The following LIPA variants were observed in gnomAD, a reference collection of about 807,000 sequenced individuals.
The protein encoded by LIPA is lipase A, lysosomal acid type.
LIPA carries 26 observed loss-of-function variants against 40.6 expected under a neutral mutation model. The observed-to-expected ratio is 0.64, with a 90% CI of 0.47 to 0.89. LIPA has a LOEUF of 0.89. Among genes scored for constraint, LIPA ranks in the 40% least tolerant of loss-of-function variants. The pLI is 0.00. For missense variants in LIPA, 455 were observed against 479.6 expected (o/e 0.95, Z 0.48); for synonymous variants, 188 against 168.4 (o/e 1.12, Z -0.90).
intron 2 of LIPA, among the ~76,000 whole-genome samples, chr10:89,359,015 C>T (rs1397737116): frequency 1.3e-5 from 2 of 152,182 alleles, no homozygotes; most frequent in Non-Finnish European, 2.9e-5. Flanking sequence ...ATCAAAATAT[C>T]AGTTCTTTCA....
At chr10:89,262,658 G>T (rs766798526) in intron 1 of LIPA, among the ~76,000 whole-genome samples, 2 of 152,190 alleles carry the variant, frequency 1.3e-5, no homozygotes. Flanking sequence ...TGTAAGAAAT[G>T]CCAAAATTCC....
intron 1 of LIPA, among the ~76,000 whole-genome samples, chr10:89,326,939 T>A (rs1214115411): frequency 6.6e-6 from 1 of 152,182 alleles, no homozygotes; most frequent in East Asian, 1.9e-4. Context: ...TTTATACATT[T>A]TAGGGAGACA....
intron 2 of LIPA, chr10:89,363,396 A>G (rs911461333): frequency 1.3e-5 from 2 of 152,270 alleles, no homozygotes; most frequent in Admixed American, 1.3e-4. Flanking sequence ...CATGATATTA[A>G]TAAAAGCTGT....
chr10:89,224,932 G>A (rs1842747128), intron 6 of LIPA, among the ~76,000 whole-genome samples, 160 bp downstream of exon 6: 1 of 152,174 alleles, frequency 6.6e-6, no homozygotes, highest in Non-Finnish European at 1.5e-5. Context: ...GGCCACCCCT[G>A]GGTCTGGAAG....
At chr10:89,410,948 C>T (rs146623377) in intron 2 of LIPA, among the ~76,000 whole-genome samples, 143 of 152,200 alleles carry the variant, frequency 9.4e-4, no homozygotes, top group East Asian at 2.1e-3. Flanking sequence ...AAGAGAGAGA[C>T]GAAGAAGTCA....
chr10:89,380,229 C>T (rs1227402120), intron 2 of LIPA, among the ~76,000 whole-genome samples: 3 of 152,006 alleles, frequency 2.0e-5, no homozygotes, highest in Admixed American at 2.0e-4. Context: ...TGAATAATGC[C>T]CACATCAAAA....
intron 1 of LIPA, among the ~76,000 whole-genome samples, chr10:89,264,243 C>T (rs1242611748): frequency 2.0e-5 from 3 of 152,166 alleles, no homozygotes; most frequent in Non-Finnish European, 4.4e-5. Context: ...AGTTCTTGTC[C>T]CACATCCAGG....
At chr10:89,392,643 G>C (rs937770743) in intron 2 of LIPA, 26 of 1,571,018 alleles carry the variant, frequency 1.7e-5, no homozygotes, top group East Asian at 2.2e-5. Flanking sequence ...CCACAAGACA[G>C]AATAGCCAGA....
intron 2 of LIPA, among the ~76,000 whole-genome samples, chr10:89,376,187 TAAAAAAAAA>T (rs66954730): frequency 2.0e-5 from 2 of 102,550 alleles, no homozygotes; most frequent in African/African-American, 7.7e-5. Flanking sequence ...GACTCTATCT[TAAAAAAAAA>T]AAAAAAAAAA....
chr10:89,400,665 A>G (rs570141178), intron 2 of LIPA, among the ~76,000 whole-genome samples: 2 of 152,290 alleles, frequency 1.3e-5, no homozygotes, highest in African/African-American at 4.8e-5. Context: ...TAATGTGTAG[A>G]ATCCTTAGAA....
At chr10:89,290,196 A>G (rs547957909) in intron 1 of LIPA, among the ~76,000 whole-genome samples, 1 of 152,104 alleles carries the variant, frequency 6.6e-6, no homozygotes, top group Non-Finnish European at 1.5e-5. Flanking sequence ...CCCAATTCTT[A>G]GTCCTTTATT....
chr10:89,377,789 C>T (rs1171521920), intron 2 of LIPA, among the ~76,000 whole-genome samples: 1 of 152,142 alleles, frequency 6.6e-6, no homozygotes, highest in Non-Finnish European at 1.5e-5. Context: ...CTGGTTTTTC[C>T]ACAACACTGA....
chr10:89,350,324 T>TTTTTTTTTTTTTTG (rs1384771963), intron 2 of LIPA, among the ~76,000 whole-genome samples: 1 of 151,486 alleles, frequency 6.6e-6, no homozygotes, highest in Non-Finnish European at 1.5e-5. Flanking sequence ...CCTTTTTTTT[T>TTTTTTTTTTTTTTG]AAGACGGAGT....
chr10:89,234,527 T>C (rs1192883136), intron 3 of LIPA, among the ~76,000 whole-genome samples: 2 of 152,170 alleles, frequency 1.3e-5, no homozygotes, highest in African/African-American at 4.8e-5. Context: ...CTTCCAAACC[T>C]CTTGCCCCTT....
chr10:89,354,768 G>T (rs377616308), intron 2 of LIPA, among the ~76,000 whole-genome samples: 1 of 152,090 alleles, frequency 6.6e-6, no homozygotes, highest in Admixed American at 6.6e-5. Context: ...GGGTTTCACC[G>T]TCTTGGCCAG....
intron 1 of LIPA, among the ~76,000 whole-genome samples, chr10:89,271,127 C>G (rs778986142): frequency 5.3e-5 from 8 of 152,250 alleles, no homozygotes; most frequent in Non-Finnish European, 1.2e-4. Flanking sequence ...ATTGCCCCTT[C>G]TCTCTCATCT....
chr10:89,360,504 C>A (rs571170411), intron 2 of LIPA, among the ~76,000 whole-genome samples: 51 of 152,230 alleles, frequency 3.4e-4, no homozygotes, highest in Non-Finnish European at 4.4e-4. Flanking sequence ...CTAATTTACA[C>A]AAGCACCATA....
chr10:89,215,033 T>C lies in LIPA; in HGVS notation c.995A>G (p.Asp332Gly), dbSNP rs1469457658. The C allele has an allele frequency of 6.2e-7, 1 of 1,613,808 alleles. No individual in the cohort carries two copies. The highest frequency in any genetic ancestry group is 1.7e-5 in the Admixed American group (1 of 60,024). ...QSYPPTYNVK[D>G]MLVPTAVWSG... ...CCAGACTGCAGTCGGCACAAGCATG[T>C]CCTTCACATTGTATGTGGGAGGATA... is the stretch of plus-strand genomic sequence containing the variant. Residue 332 changes from aspartate (D) to glycine (G), a missense_variant, in exon 10 of 10, where the codon GAC becomes GGC. Physicochemically the swap from Asp to Gly is moderately conservative, Grantham distance 94. Transcript: ENST00000336233.
intron 2 of LIPA, among the ~76,000 whole-genome samples, chr10:89,353,791 A>G (rs1344999843): frequency 6.6e-6 from 1 of 152,078 alleles, no homozygotes; most frequent in African/African-American, 2.4e-5. Flanking sequence ...ATACAAAAAA[A>G]TTAGCTGGGT....
Sources: allele counts gnomAD v4.1 joint callset (sites outside exome capture counted in the v4.1 genomes callset), GRCh38; gene constraint gnomAD v4.1.1; transcripts MANE v1.5; gene names NCBI Gene and HGNC (gene_info 2026-07-23, HGNC 2026-07-21).